Variants in C2CD5 observed in about 807,000 individuals in gnomAD.
C2CD5 encodes the protein C2 domain-containing protein 5.
C2CD5 carries 109 observed loss-of-function variants against 130.3 expected under a neutral mutation model. The ratio of observed to expected loss-of-function variants is 0.84; its 90% confidence interval spans 0.72 to 0.98. The LOEUF is 0.98. Among genes scored for constraint, C2CD5 ranks in the 50% least tolerant of loss-of-function variants. C2CD5 has a pLI of 0.00. For missense variants in C2CD5, 996 were observed against 1,261.8 expected, an observed-to-expected ratio of 0.79 and a Z score of 3.19; for synonymous variants, 454 against 429.2, an observed-to-expected ratio of 1.06 and a Z score of -0.71.
At chr12:22,475,978 T>C (rs1943787020) in intron 15 of C2CD5, among the ~76,000 whole-genome samples, 1 of 152,138 alleles carries the variant, frequency 6.6e-6, no homozygotes, top group Admixed American at 6.6e-5. Flanking sequence ...AATTTTACAA[T>C]AGTTTTAAAT....
intron 14 of C2CD5, among the ~76,000 whole-genome samples, chr12:22,478,976 G>A (rs920563672): frequency 2.0e-5 from 3 of 152,124 alleles, no homozygotes; most frequent in African/African-American, 7.2e-5. Flanking sequence ...ATAAGCGTTG[G>A]TTTCTTTTGG....
intron 14 of C2CD5, among the ~76,000 whole-genome samples, chr12:22,481,700 G>C (rs1944739913): frequency 7.1e-6 from 1 of 140,608 alleles, no homozygotes; most frequent in African/African-American, 2.7e-5. Flanking sequence ...TGTCGCCTCG[G>C]TTGGAGTGCA....
At chr12:22,512,173 T>C (rs1307007834) in intron 9 of C2CD5, among the ~76,000 whole-genome samples, 1 of 152,222 alleles carries the variant, frequency 6.6e-6, no homozygotes, top group Non-Finnish European at 1.5e-5. Flanking sequence ...AGCTCTGCTC[T>C]CTTCAGCCTT....
In C2CD5 at chr12:22,484,690, A is replaced by G. The variant is rs1945231284; in HGVS notation, c.1550+7T>C. The G allele has an allele frequency of 5.9e-6, 9 of 1,530,470 alleles. No individual in the cohort carries two copies. The highest frequency in any genetic ancestry group is 7.9e-6 in the Non-Finnish European group (9 of 1,133,104). 94.8% of individuals were successfully genotyped at this position (1,530,470 alleles called of 1,614,324 possible). A position where few individuals can be genotyped will look rare whatever the true frequency, so the allele number is the denominator to read the frequency against. On this transcript the variant is annotated splice_region_variant and intron_variant, in intron 13 of 26. Transcript: ENST00000446597. ...AGGGACACCGAGTGTTGTTTTCACA[A>G]ACATACCTTGCTTGAATAAGACAAC...
chr12:22,516,270 G>C (rs1591946341), intron 8 of C2CD5, among the ~76,000 whole-genome samples: 2 of 151,748 alleles, frequency 1.3e-5, no homozygotes, highest in African/African-American at 4.8e-5. Flanking sequence ...GTCTCCATGA[G>C]AAATAGGAGT....
At chr12:22,479,619 C>T (rs1006543562) in intron 14 of C2CD5, among the ~76,000 whole-genome samples, 1 of 152,078 alleles carries the variant, frequency 6.6e-6, no homozygotes, top group Non-Finnish European at 1.5e-5. Flanking sequence ...AAAACCCAAA[C>T]GCATTTCACT....
At chr12:22,517,870 T>G in intron 8 of C2CD5, 116 bp downstream of exon 8, 6 of 793,184 alleles carry the variant, frequency 7.6e-6, no homozygotes, top group Non-Finnish European at 1.2e-5. Flanking sequence ...AGTATTCACA[T>G]TTTCTTTTTA....
intron 8 of C2CD5, among the ~76,000 whole-genome samples, chr12:22,513,999 G>A (rs1180570905): frequency 6.6e-6 from 1 of 152,098 alleles, no homozygotes; most frequent in Non-Finnish European, 1.5e-5. Flanking sequence ...CCACAGACAT[G>A]TAATAGACAC....
chr12:22,513,496 T>G, intron 8 of C2CD5, 117 bp from the exon 9 acceptor site: 2 of 735,930 alleles, frequency 2.7e-6, no homozygotes, highest in Non-Finnish European at 5.0e-6. Flanking sequence ...TCGAAACATT[T>G]AAAGCACTGG....
At chr12:22,513,047 A>C (rs1229794110) in intron 9 of C2CD5, among the ~76,000 whole-genome samples, 1 of 152,130 alleles carries the variant, frequency 6.6e-6, no homozygotes, top group African/African-American at 2.4e-5. Context: ...AATAGGTATT[A>C]TCAAAAATAG....
intron 13 of C2CD5, 64 bp downstream of exon 13, chr12:22,484,633 T>G: frequency 1.2e-6 from 1 of 839,518 alleles, no homozygotes; most frequent in Non-Finnish European, 1.8e-6. Context: ...CACTTAAAAA[T>G]AGGTTTACGG....
intron 24 of C2CD5, 103 bp downstream of exon 24, chr12:22,458,381 G>T: frequency 2.2e-6 from 1 of 450,432 alleles, no homozygotes; most frequent in Non-Finnish European, 3.7e-6. Context: ...ATACATGATG[G>T]ATTGGCAATG....
intron 26 of C2CD5, among the ~76,000 whole-genome samples, chr12:22,451,917 C>G (rs895682495): frequency 2.0e-5 from 3 of 152,110 alleles, no homozygotes; most frequent in Non-Finnish European, 4.4e-5. Context: ...ACAGTGCTTA[C>G]AATCCACCAG....
At chr12:22,512,322 CT>C (rs1202582877) in intron 9 of C2CD5, among the ~76,000 whole-genome samples, 1 of 152,036 alleles carries the variant, frequency 6.6e-6, no homozygotes, top group Non-Finnish European at 1.5e-5. Flanking sequence ...ACTCTTTCAC[CT>C]TTTTTCCCCC....
chr12:22,469,171 C>G (rs1942601772), intron 22 of C2CD5, among the ~76,000 whole-genome samples: 1 of 152,006 alleles, frequency 6.6e-6, no homozygotes, highest in Admixed American at 6.6e-5. Context: ...TCAATTTGCA[C>G]TGGAAAAAAA....
At chr12:22,485,932 T>A (rs187159041) in intron 12 of C2CD5, among the ~76,000 whole-genome samples, 1 of 152,264 alleles carries the variant, frequency 6.6e-6, no homozygotes, top group Admixed American at 6.5e-5. Flanking sequence ...TGATTCATTT[T>A]AAAAATTTAA....
At chr12:22,459,666 A>C (rs914205873) in intron 22 of C2CD5, 124 bp from the exon 23 acceptor site, 4 of 521,110 alleles carry the variant, frequency 7.7e-6, no homozygotes. Flanking sequence ...GCTTCATTGC[A>C]AAAGCAAACC....
At chr12:22,498,269 T>G (rs1400883577) in intron 10 of C2CD5, among the ~76,000 whole-genome samples, 1 of 152,124 alleles carries the variant, frequency 6.6e-6, no homozygotes, top group African/African-American at 2.4e-5. Context: ...AGACTGGGTG[T>G]GTACAGGACG....
Position 22,474,701 on chromosome 12 carries a change from T to C in C2CD5, c.2043+50A>G, listed in dbSNP as rs745967381. The C allele has an allele frequency of 8.5e-6, 12 of 1,404,670 alleles. No homozygotes were observed. The East Asian group carries it at 9.7e-5, about 11-fold the overall frequency. The allele number at this position is 1,404,670 out of a possible 1,614,324, so 87.0% of individuals were successfully genotyped here. A position where few individuals can be genotyped will look rare whatever the true frequency, so the allele number is the denominator to read the frequency against. On this transcript the variant is annotated intron_variant, in intron 16 of 26. Coordinates refer to ENST00000446597, the MANE Select transcript of C2CD5 (RefSeq NM_001286176.2). Reference sequence around the variant, plus strand: ...TATTAATTTAGCACGTGAAAAAATGTGTATCTTAGCTTCCAAAACCTTTAA... The same window carrying C: ...TATTAATTTAGCACGTGAAAAAATGCGTATCTTAGCTTCCAAAACCTTTAA...
Sources: allele counts gnomAD v4.1 joint callset (sites outside exome capture counted in the v4.1 genomes callset), GRCh38; gene constraint gnomAD v4.1.1; transcripts MANE v1.5; gene names NCBI Gene and HGNC (gene_info 2026-07-23, HGNC 2026-07-21).